Variants in SDK1 observed in about 807,000 individuals in gnomAD.
SDK1 encodes the protein sidekick cell adhesion molecule 1, also known as protein sidekick-1.
SDK1 carries 157 observed loss-of-function variants against 245.5 expected under a neutral mutation model. That is an observed-to-expected ratio of 0.64 (90% CI 0.56 to 0.73). SDK1 has a LOEUF of 0.73. Among genes scored for constraint, SDK1 ranks in the 30% least tolerant of loss-of-function variants. SDK1 has a pLI of 0.00. For synonymous variants in SDK1, 1,647 were observed against 1,278.5 expected (o/e 1.29, Z -6.15); for missense variants, 3,583 against 3,002.3 (o/e 1.19, Z -4.52).
intron 1 of SDK1, among the ~76,000 whole-genome samples, chr7:3,347,725 C>A (rs1006268024): frequency 1.3e-5 from 2 of 152,100 alleles, no homozygotes; most frequent in Admixed American, 6.5e-5. Context: ...TTCTTCTGAA[C>A]CTTCTGGGTA....
Position 3,987,284 on chromosome 7 carries a change from G to T in SDK1, c.2093G>T (p.Ser698Ile), listed in dbSNP as rs754480078. The T allele has an allele frequency of 6.2e-7, 1 of 1,614,130 alleles. No homozygotes were observed. Among genetic ancestry groups the T allele is most frequent in the South Asian group, 1.1e-5 (1 of 91,082 alleles). ...TGGGTCCGGCCCTTTGATGGAAACAGTCCTATTCTTTATTACATCGTGGAG... is the reference window on the plus strand; with the variant it reads ...TGGGTCCGGCCCTTTGATGGAAACATTCCTATTCTTTATTACATCGTGGAG... ...LSWVRPFDGN[S>I]PILYYIVELS... Residue 698 changes from serine (S) to isoleucine (I), a missense_variant, in exon 14 of 45, where the codon AGT (serine) becomes ATT (isoleucine). Physicochemically the swap from Ser to Ile is moderately radical, Grantham distance 142. Coordinates refer to ENST00000404826, the MANE Select transcript of SDK1 (RefSeq NM_152744.4).
intron 1 of SDK1, among the ~76,000 whole-genome samples, chr7:3,373,144 G>C (rs369602453): frequency 6.6e-5 from 10 of 152,288 alleles, no homozygotes; most frequent in African/African-American, 1.2e-4. Flanking sequence ...ATTGTAAGTT[G>C]AAAATGCATA....
chr7:3,736,394 G>A (rs1024279588), intron 4 of SDK1, among the ~76,000 whole-genome samples: 5 of 152,054 alleles, frequency 3.3e-5, no homozygotes, highest in African/African-American at 4.8e-5. Flanking sequence ...CCGGGTTCAC[G>A]CCCTTCTCCT....
intron 1 of SDK1, among the ~76,000 whole-genome samples, chr7:3,458,209 C>G (rs2128593935): frequency 6.6e-6 from 1 of 151,956 alleles, no homozygotes; most frequent in East Asian, 1.9e-4. Flanking sequence ...AATCTGGAAA[C>G]TAATGTTTTT....
At chr7:3,464,598 A>C (rs1018151978) in intron 1 of SDK1, among the ~76,000 whole-genome samples, 7 of 151,932 alleles carry the variant, frequency 4.6e-5, no homozygotes, top group African/African-American at 1.7e-4. Context: ...TTTGTTTTTG[A>C]GAAAAGCTGT....
At chr7:3,855,506 A>G (rs1366162804) in intron 5 of SDK1, among the ~76,000 whole-genome samples, 1 of 152,132 alleles carries the variant, frequency 6.6e-6, no homozygotes, top group African/African-American at 2.4e-5. Flanking sequence ...CAACTTGAGA[A>G]CAAGCTTAGA....
At chr7:4,214,041 G>A (rs1784651974) in intron 38 of SDK1, among the ~76,000 whole-genome samples, 1 of 152,170 alleles carries the variant, frequency 6.6e-6, no homozygotes, top group Admixed American at 6.5e-5. Flanking sequence ...GCTCTACCTT[G>A]TGGCTGCAGC....
chr7:3,925,427 T>C (rs181786754), intron 5 of SDK1, among the ~76,000 whole-genome samples: 1 of 152,322 alleles, frequency 6.6e-6, no homozygotes, highest in East Asian at 1.9e-4. Context: ...CTGCTCAAGC[T>C]GTTAGGGCAA....
intron 1 of SDK1, among the ~76,000 whole-genome samples, chr7:3,367,448 A>G (rs779777197): frequency 6.6e-6 from 1 of 152,132 alleles, no homozygotes; most frequent in Non-Finnish European, 1.5e-5. Context: ...TCCAGGTCCT[A>G]TTTTGGTTTC....
chr7:3,776,343 C>G (rs1366128906), intron 4 of SDK1, among the ~76,000 whole-genome samples: 1 of 152,228 alleles, frequency 6.6e-6, no homozygotes, highest in East Asian at 1.9e-4. Flanking sequence ...TACCCACATT[C>G]TGTTTCCCAG....
At chr7:3,700,319 C>G (rs1784704824) in intron 4 of SDK1, among the ~76,000 whole-genome samples, 3 of 152,014 alleles carry the variant, frequency 2.0e-5, no homozygotes, top group Non-Finnish European at 4.4e-5. Context: ...TTTTCTTTTC[C>G]TTTTGAGTTG....
chr7:3,577,706 C>G (rs376931782), intron 1 of SDK1, among the ~76,000 whole-genome samples: 5 of 152,012 alleles, frequency 3.3e-5, no homozygotes, highest in African/African-American at 1.2e-4. Context: ...AGAACTGAGC[C>G]CTTGAAGTGC....
chr7:3,492,493 C>T (rs1347877735), intron 1 of SDK1, among the ~76,000 whole-genome samples: 1 of 152,030 alleles, frequency 6.6e-6, no homozygotes, highest in African/African-American at 2.4e-5. Flanking sequence ...GACTCCGTCT[C>T]AAAAAAATAC....
At chr7:3,980,669 C>T (rs766061557) in intron 13 of SDK1, among the ~76,000 whole-genome samples, 1 of 152,306 alleles carries the variant, frequency 6.6e-6, no homozygotes, top group East Asian at 1.9e-4. Context: ...AGTGGCTGGC[C>T]GCAGAGGCTC....
chr7:3,572,742 C>G (rs990204681), intron 1 of SDK1, among the ~76,000 whole-genome samples: 10 of 152,062 alleles, frequency 6.6e-5, no homozygotes, highest in African/African-American at 2.4e-4. Context: ...CAAATCCAGT[C>G]ATTGCCTTCA....
chr7:3,358,367 T>A (rs936001291), intron 1 of SDK1, among the ~76,000 whole-genome samples: 1 of 152,132 alleles, frequency 6.6e-6, no homozygotes, highest in Non-Finnish European at 1.5e-5. Context: ...GACAATTTGT[T>A]TTAATATGAA....
At chr7:3,419,296 T>G (rs1043674565) in intron 1 of SDK1, among the ~76,000 whole-genome samples, 3 of 152,234 alleles carry the variant, frequency 2.0e-5, no homozygotes, top group African/African-American at 7.2e-5. Flanking sequence ...AGAATCCATG[T>G]TCTTCCCTTT....
intron 1 of SDK1, among the ~76,000 whole-genome samples, chr7:3,313,027 T>C (rs1779586362): frequency 6.6e-6 from 1 of 152,132 alleles, no homozygotes; most frequent in African/African-American, 2.4e-5. Flanking sequence ...TAGCAGAAGA[T>C]GATTGAATAA....
intron 5 of SDK1, among the ~76,000 whole-genome samples, chr7:3,914,288 G>C (rs4723267): frequency 0.43 from 65,377 of 152,058 alleles, 16,860 homozygotes; most frequent in African/African-American, 0.73. Context: ...GTCTTACTGG[G>C]TTCATGTCAA....
Sources: allele counts gnomAD v4.1 joint callset (sites outside exome capture counted in the v4.1 genomes callset), GRCh38; gene constraint gnomAD v4.1.1; transcripts MANE v1.5; gene names NCBI Gene and HGNC (gene_info 2026-07-23, HGNC 2026-07-21).